Variants in LRBA observed in about 807,000 individuals in gnomAD.
LRBA encodes lipopolysaccharide-responsive and beige-like anchor protein.
Under a neutral mutation model 330.0 loss-of-function variants are expected in LRBA, and 176 were observed. The observed-to-expected ratio is 0.53, with a 90% CI of 0.47 to 0.60. The LOEUF is 0.60. LRBA is among the 20% of genes least tolerant of loss of function. The probability of loss-of-function intolerance (pLI) is 0.00; values close to 1 mark genes in which losing one functional copy is unlikely to be tolerated. For synonymous variants in LRBA, 1,230 were observed against 1,193.0 expected (o/e 1.03, Z -0.64); for missense variants, 3,259 against 3,444.8 (o/e 0.95, Z 1.35).
intron 46 of LRBA, among the ~76,000 whole-genome samples, chr4:150,428,841 G>A (rs898257032): frequency 2.6e-5 from 4 of 151,976 alleles, no homozygotes; most frequent in African/African-American, 7.2e-5. Flanking sequence ...CTACACACCC[G>A]AAACATAAGA....
intron 34 of LRBA, among the ~76,000 whole-genome samples, chr4:150,786,109 G>T (rs1040594685): frequency 4.6e-5 from 7 of 152,308 alleles, no homozygotes; most frequent in East Asian, 3.9e-4. Context: ...ATTCTGTTAA[G>T]ATGTAGGCAT....
chr4:150,999,338 A>G (rs894266491), intron 2 of LRBA, among the ~76,000 whole-genome samples: 12 of 152,196 alleles, frequency 7.9e-5, no homozygotes, highest in African/African-American at 2.9e-4. Flanking sequence ...GTTGACCCTC[A>G]GGAAAAAGTA....
At chr4:150,319,734 T>C (rs1251638913) in intron 50 of LRBA, among the ~76,000 whole-genome samples, 2 of 152,188 alleles carry the variant, frequency 1.3e-5, no homozygotes, top group East Asian at 1.9e-4. Flanking sequence ...AAAATGGCTA[T>C]ATTTAATCAA....
chr4:150,894,497 A>T (rs1231890528), intron 16 of LRBA, among the ~76,000 whole-genome samples: 1 of 152,234 alleles, frequency 6.6e-6, no homozygotes, highest in Non-Finnish European at 1.5e-5. Flanking sequence ...CCTTTGTTGC[A>T]TATACCAATA....
intron 2 of LRBA, among the ~76,000 whole-genome samples, chr4:150,992,241 G>A (rs752866854): frequency 2.8e-4 from 39 of 139,082 alleles, no homozygotes; most frequent in Non-Finnish European, 4.8e-4. Flanking sequence ...GCTTGAACTC[G>A]GGAGGCAGGG....
chr4:150,414,252 T>G (rs554116036), intron 47 of LRBA, among the ~76,000 whole-genome samples: 1 of 152,300 alleles, frequency 6.6e-6, no homozygotes, highest in East Asian at 1.9e-4. Context: ...AAAGCTTACA[T>G]ATTCTTTCCA....
Position 150,916,706 on chromosome 4 carries a change from T to G in LRBA, c.678A>C (p.Pro226=). ...AIALPPIAKW[P]YQNGFTFHTW... is the part of the protein sequence containing the mutation. ...TATGAAATGTAAAACCATTCTGGTA[T>G]GGCCATTTGGCTATAGGAGGTAATG... is the stretch of plus-strand genomic sequence containing the variant. The change falls in exon 6 of 57, where the codon CCA becomes CCC. Residue 226 remains proline (P), a synonymous_variant. Coordinates refer to ENST00000651943, the MANE Select transcript of LRBA (RefSeq NM_001364905.1). The G allele has an allele frequency of 3.8e-6, 6 of 1,589,388 alleles. No individual in the cohort carries two copies. Among genetic ancestry groups the G allele is most frequent in the Non-Finnish European group, 5.1e-6 (6 of 1,171,896 alleles).
At chr4:150,655,347 A>C (rs1780081957) in intron 37 of LRBA, among the ~76,000 whole-genome samples, 1 of 152,218 alleles carries the variant, frequency 6.6e-6, no homozygotes, top group Non-Finnish European at 1.5e-5. Flanking sequence ...AATGTAAAAC[A>C]GATTATTCAG....
chr4:150,390,823 C>CTTT (rs1378903464), intron 47 of LRBA, among the ~76,000 whole-genome samples: 20 of 152,120 alleles, frequency 1.3e-4, no homozygotes, highest in Admixed American at 3.3e-4. Context: ...AGCAATAAGG[C>CTTT]TAAATAAACT....
At chr4:150,693,563 C>CAAAAAA (rs70941428) in intron 36 of LRBA, among the ~76,000 whole-genome samples, 2,038 of 51,342 alleles carry the variant, frequency 0.04, 205 homozygotes, top group East Asian at 0.11. Flanking sequence ...GACTCCGTCT[C>CAAAAAA]AAAAAAAAAA....
In LRBA at chr4:150,471,668, T is replaced by G. The variant is rs1212387256; in HGVS notation, c.6623A>C (p.Glu2208Ala). ...SNMTQRWQHR[E>A]ISNFEYLMFL... ...CATCAAGTACTCAAAATTAGATATCTCTCTGTGTTGCCATCGCTGGGTCAT... is the reference window on the plus strand; with the variant it reads ...CATCAAGTACTCAAAATTAGATATCGCTCTGTGTTGCCATCGCTGGGTCAT... Residue 2208 changes from glutamate (E) to alanine (A), a missense_variant, in exon 43 of 57, where the codon GAG becomes GCG. Coordinates refer to ENST00000651943, the MANE Select transcript of LRBA (RefSeq NM_001364905.1). The G allele has an allele frequency of 2.5e-6, 4 of 1,609,512 alleles. No homozygotes were observed. In the South Asian group the frequency reaches 4.4e-5, roughly 18 times the overall value.
At chr4:150,943,403 T>A (rs1437876002) in intron 2 of LRBA, among the ~76,000 whole-genome samples, 1 of 152,124 alleles carries the variant, frequency 6.6e-6, no homozygotes, top group African/African-American at 2.4e-5. Flanking sequence ...GAACAAGAGA[T>A]TTTTTCATAA....
At chr4:150,357,352 G>A (rs1299842323) in intron 47 of LRBA, among the ~76,000 whole-genome samples, 1 of 151,940 alleles carries the variant, frequency 6.6e-6, no homozygotes, top group Non-Finnish European at 1.5e-5. Context: ...TGAAGGCCAT[G>A]TTTCCTTTGA....
At chr4:150,936,253 T>G (rs1735074064) in intron 2 of LRBA, among the ~76,000 whole-genome samples, 1 of 151,964 alleles carries the variant, frequency 6.6e-6, no homozygotes, top group African/African-American at 2.4e-5. Flanking sequence ...TTATTAAATG[T>G]GAGGAATAAC....
At chr4:150,562,737 A>G (rs1768534555) in intron 40 of LRBA, among the ~76,000 whole-genome samples, 1 of 152,198 alleles carries the variant, frequency 6.6e-6, no homozygotes, top group Admixed American at 6.6e-5. Context: ...ACTGAGAGTT[A>G]TTAGACGACA....
intron 54 of LRBA, among the ~76,000 whole-genome samples, chr4:150,285,407 C>A (rs1002912841): frequency 6.6e-6 from 1 of 152,210 alleles, no homozygotes; most frequent in African/African-American, 2.4e-5. Context: ...CCAGCACAAA[C>A]CTCCAGGCAA....
At chr4:150,297,079 T>G (rs957816039) in intron 53 of LRBA, among the ~76,000 whole-genome samples, 3 of 152,186 alleles carry the variant, frequency 2.0e-5, no homozygotes, top group Non-Finnish European at 4.4e-5. Flanking sequence ...GGCATGGCAC[T>G]ATTAAAAAGG....
chr4:150,769,558 T>A (rs1174068198), intron 34 of LRBA, among the ~76,000 whole-genome samples: 1 of 152,162 alleles, frequency 6.6e-6, no homozygotes, highest in Non-Finnish European at 1.5e-5. Context: ...GCAGAAGAAA[T>A]TCTCTCTACT....
chr4:150,949,770 T>TCG (rs1203956622), intron 2 of LRBA, among the ~76,000 whole-genome samples: 33 of 135,006 alleles, frequency 2.4e-4, no homozygotes, highest in African/African-American at 8.4e-4. Context: ...AGGAAACTCG[T>TCG]AAGTTCAAAT....
Sources: gnomAD v4.1 joint callset for allele counts (sites outside exome capture counted in the v4.1 genomes callset) on GRCh38, gnomAD v4.1.1 for gene constraint, MANE v1.5 for transcripts, NCBI Gene and HGNC (gene_info 2026-07-23, HGNC 2026-07-21) for gene names.